CLSTN2: variants seen among roughly 807,000 people sequenced by gnomAD.
The protein encoded by CLSTN2 is calsyntenin-2.
CLSTN2 carries 48 observed loss-of-function variants against 101.2 expected under a neutral mutation model. The ratio of observed to expected loss-of-function variants is 0.47; its 90% CI spans 0.38 to 0.60. CLSTN2 has a LOEUF of 0.60. Among genes scored for constraint, CLSTN2 ranks in the 20% least tolerant of loss-of-function variants. The probability of loss-of-function intolerance (pLI) is 0.00; values close to 1 mark genes in which losing one functional copy is unlikely to be tolerated. For missense variants in CLSTN2, 1,160 were observed against 1,238.2 expected (o/e 0.94, Z 0.95); for synonymous variants, 481 against 463.6 (o/e 1.04, Z -0.48).
chr3:140,492,146 TAAAAA>T (rs5852984), intron 8 of CLSTN2, among the ~76,000 whole-genome samples: 1 of 151,532 alleles, frequency 6.6e-6, no homozygotes, highest in East Asian at 1.9e-4. Context: ...CATAATGGCT[TAAAAA>T]AAAATAAATT....
At chr3:140,361,153 A>C (rs2087726045) in intron 2 of CLSTN2, among the ~76,000 whole-genome samples, 1 of 152,206 alleles carries the variant, frequency 6.6e-6, no homozygotes, top group African/African-American at 2.4e-5. Context: ...AGTATTATAC[A>C]ACATGACCAA....
At chr3:140,206,310 T>C (rs2010781528) in intron 2 of CLSTN2, among the ~76,000 whole-genome samples, 2 of 152,104 alleles carry the variant, frequency 1.3e-5, no homozygotes, top group Admixed American at 1.3e-4. Context: ...GAGAGACACA[T>C]CTCCTATAGA....
intron 2 of CLSTN2, among the ~76,000 whole-genome samples, chr3:140,292,402 C>T (rs2086963876): frequency 2.0e-5 from 3 of 152,080 alleles, no homozygotes; most frequent in Non-Finnish European, 4.4e-5. Flanking sequence ...TTTTCTTCTT[C>T]CCTACTAAAA....
intron 2 of CLSTN2, among the ~76,000 whole-genome samples, chr3:140,247,214 C>G (rs138835225): frequency 6.6e-6 from 1 of 152,182 alleles, no homozygotes; most frequent in East Asian, 1.9e-4. Flanking sequence ...GTTTCTAACT[C>G]TGTGTCTCTT....
chr3:140,020,724 C>G (rs2007297088), intron 1 of CLSTN2, among the ~76,000 whole-genome samples: 2 of 152,188 alleles, frequency 1.3e-5, no homozygotes, highest in Admixed American at 1.3e-4. Context: ...ACTCTGACAC[C>G]AGGGTTATAA....
intron 6 of CLSTN2, among the ~76,000 whole-genome samples, chr3:140,451,584 A>G (rs968135204): frequency 2.0e-5 from 3 of 152,200 alleles, no homozygotes; most frequent in Admixed American, 1.3e-4. Flanking sequence ...AGGAGAGCTC[A>G]GATAAAAAGG....
At chr3:140,401,447 C>T (rs186725593) in intron 2 of CLSTN2, among the ~76,000 whole-genome samples, 4 of 152,300 alleles carry the variant, frequency 2.6e-5, no homozygotes, top group Admixed American at 1.3e-4. Context: ...TGAATTGTTC[C>T]GTAGATGGAA....
At chr3:140,311,079 G>T (rs1203876808) in intron 2 of CLSTN2, among the ~76,000 whole-genome samples, 1 of 152,118 alleles carries the variant, frequency 6.6e-6, no homozygotes, top group African/African-American at 2.4e-5. Flanking sequence ...AGAGAGAAAG[G>T]AATAGGTGAG....
rs1394843539 is a variant in CLSTN2 at position 140,566,353 on chromosome 3, G to A, written c.*100G>A. On this transcript the variant is annotated 3_prime_UTR_variant, in exon 17 of 17. Coordinates refer to ENST00000458420, the MANE Select transcript of CLSTN2 (RefSeq NM_022131.3). Reference sequence around the variant, plus strand: ...ACCTCACCTCTGATGTCTGTGACATGTCTGGGAAGGCCTTCTCCAGCTTCC... The same window carrying A: ...ACCTCACCTCTGATGTCTGTGACATATCTGGGAAGGCCTTCTCCAGCTTCC... 4.1e-6 allele frequency: 5 copies of A among 1,229,800 alleles called. No homozygotes were observed. The highest frequency in any genetic ancestry group is 5.8e-6 in the Non-Finnish European group (5 of 868,356). 76.2% of individuals were successfully genotyped at this position (1,229,800 alleles called of 1,614,324 possible).
intron 2 of CLSTN2, among the ~76,000 whole-genome samples, chr3:140,261,182 G>A (rs2086651120): frequency 6.6e-6 from 1 of 152,220 alleles, no homozygotes; most frequent in Admixed American, 6.5e-5. Context: ...CTTCTTGAGG[G>A]AAGAATATTT....
At chr3:140,010,258 C>T (rs1042585604) in intron 1 of CLSTN2, among the ~76,000 whole-genome samples, 7 of 152,116 alleles carry the variant, frequency 4.6e-5, no homozygotes, top group African/African-American at 1.4e-4. Flanking sequence ...CTGCCATGAA[C>T]TAGGAGGTGT....
At position 139,995,140 on chromosome 3, in the gene CLSTN2, G is replaced by A. The variant is rs73867253; in HGVS notation, c.109+59657G>A. On this transcript the variant is annotated intron_variant, in intron 1 of 16. Transcript: ENST00000458420. Reference sequence around the variant, plus strand: ...CCACGGGTCTTCTTTGGAATCATCTGTCTTGGCTAAGGTCCTGATTGCTGT... The same window carrying A: ...CCACGGGTCTTCTTTGGAATCATCTATCTTGGCTAAGGTCCTGATTGCTGT... Among the ~76,000 whole-genome samples, 423 of 152,222 alleles carry A rather than the reference G, an allele frequency of 2.8e-3. 1 individual carries two copies. Among genetic ancestry groups the A allele is most frequent in the African/African-American group, 9.5e-3 (393 of 41,526 alleles).
At chr3:140,460,878 G>A (rs534182334) in intron 7 of CLSTN2, 7 of 152,258 alleles carry the variant, frequency 4.6e-5, no homozygotes, top group Admixed American at 2.0e-4. Flanking sequence ...GCTGAAGCTC[G>A]GCCTCTGCTA....
intron 2 of CLSTN2, among the ~76,000 whole-genome samples, chr3:140,180,301 T>G (rs2010389221): frequency 6.6e-6 from 1 of 152,178 alleles, no homozygotes; most frequent in South Asian, 2.1e-4. Flanking sequence ...GCACTTACTC[T>G]AAGTTCTCTT....
intron 2 of CLSTN2, among the ~76,000 whole-genome samples, chr3:140,260,595 T>C (rs2086642804): frequency 1.3e-5 from 2 of 151,922 alleles, no homozygotes; most frequent in South Asian, 4.1e-4. Flanking sequence ...ACAGTTTTCA[T>C]ATACCCCATA....
At chr3:140,028,605 T>C (rs965898380) in intron 1 of CLSTN2, among the ~76,000 whole-genome samples, 2 of 151,934 alleles carry the variant, frequency 1.3e-5, no homozygotes, top group African/African-American at 4.8e-5. Flanking sequence ...CAAGTGTGGG[T>C]GAAAGAATTG....
intron 1 of CLSTN2, among the ~76,000 whole-genome samples, chr3:139,998,586 C>T (rs575518909): frequency 4.0e-5 from 6 of 151,884 alleles, no homozygotes; most frequent in South Asian, 4.2e-4. Flanking sequence ...CCTCGTGATC[C>T]GCCCGCCTCG....
At chr3:140,180,986 TCCCA>T (rs1281195819) in intron 2 of CLSTN2, among the ~76,000 whole-genome samples, 5 of 152,176 alleles carry the variant, frequency 3.3e-5, no homozygotes, top group Non-Finnish European at 7.4e-5. Flanking sequence ...GCAAAGACCC[TCCCA>T]CAGGGATTGG....
In CLSTN2 at chr3:140,496,402, A is replaced by T. The variant is rs1048203428; in HGVS notation, c.1344+29671A>T. ...GATTTTCTAGATATAGGATCATGTC[A>T]TCTGCAAGCAAAGATAACTTGACTT... On this transcript the variant is annotated intron_variant, in intron 8 of 16. Coordinates refer to ENST00000458420, the MANE Select transcript of CLSTN2 (RefSeq NM_022131.3). Among the ~76,000 whole-genome samples, 8 of 152,310 alleles carry T rather than the reference A, an allele frequency of 5.3e-5. No individual in the cohort carries two copies. In the East Asian group the frequency reaches 5.8e-4, roughly 11 times the overall value.
Sources: gnomAD v4.1 joint callset for allele counts (sites outside exome capture counted in the v4.1 genomes callset) on GRCh38, gnomAD v4.1.1 for gene constraint, MANE v1.5 for transcripts, NCBI Gene and HGNC (gene_info 2026-07-23, HGNC 2026-07-21) for gene names.